Variants in FMN1 observed in about 807,000 individuals in gnomAD.
FMN1 encodes formin-1.
Under a neutral mutation model 132.4 loss-of-function variants are expected in FMN1, and 110 were observed. That is an observed-to-expected ratio of 0.83 (90% CI 0.71 to 0.97). FMN1 has a LOEUF of 0.97. Ranked by LOEUF, FMN1 falls within the 50% of genes least tolerant of loss-of-function variation. The pLI is 0.00. For missense variants in FMN1, 1,792 were observed against 1,705.3 expected (o/e 1.05, Z -0.90); for synonymous variants, 722 against 651.7 (o/e 1.11, Z -1.64).
chr15:33,081,671 T>C (rs1049853396), intron 5 of FMN1, among the ~76,000 whole-genome samples: 42 of 152,340 alleles, frequency 2.8e-4, no homozygotes, highest in Non-Finnish European at 4.0e-4. Flanking sequence ...AGTGGAGCGG[T>C]AGAAGGACTT....
intron 3 of FMN1, among the ~76,000 whole-genome samples, chr15:33,167,920 G>A (rs1267730256): frequency 6.6e-6 from 1 of 152,152 alleles, no homozygotes; most frequent in Non-Finnish European, 1.5e-5. Context: ...GACGACAGAG[G>A]CAGAAGAAGT....
At chr15:32,823,157 T>G (rs1163489662) in intron 17 of FMN1, among the ~76,000 whole-genome samples, 3 of 68,162 alleles carry the variant, frequency 4.4e-5, no homozygotes, top group African/African-American at 9.2e-5. Context: ...CTACTGTTTT[T>G]TTTTTTTTTT....
chr15:32,934,585 G>A lies in FMN1; in HGVS notation c.3139-8324C>T, dbSNP rs879274293. Among the ~76,000 whole-genome samples, 211 of 147,808 alleles carry A rather than the reference G, an allele frequency of 1.4e-3. 1 individual carries two copies. Among genetic ancestry groups the A allele is most frequent in the Non-Finnish European group, 2.4e-3 (158 of 67,032 alleles). On this transcript the variant is annotated intron_variant, in intron 9 of 20. Coordinates refer to ENST00000616417, the MANE Select transcript of FMN1 (RefSeq NM_001277313.2). ...ATCTATTTCTCTTTTGTTTCTGAAA[G>A]ACAATTTTTTTCCTTTTTTTTTTTT...
chr15:33,114,671 G>A (rs775534582), intron 4 of FMN1, among the ~76,000 whole-genome samples: 9 of 152,170 alleles, frequency 5.9e-5, no homozygotes, highest in Non-Finnish European at 8.8e-5. Context: ...GAGAGAGCCT[G>A]TGGGTAAATA....
chr15:32,947,347 C>T (rs1296608985), intron 9 of FMN1, among the ~76,000 whole-genome samples: 1 of 151,984 alleles, frequency 6.6e-6, no homozygotes, highest in African/African-American at 2.4e-5. Flanking sequence ...TGCTTCTGAG[C>T]TCTCAATTCT....
chr15:32,862,600 C>T (rs2059295729), intron 16 of FMN1, among the ~76,000 whole-genome samples: 1 of 152,042 alleles, frequency 6.6e-6, no homozygotes, highest in African/African-American at 2.4e-5. Flanking sequence ...TTGTTTTTCA[C>T]CCCTAAGAAC....
At position 33,067,028 on chromosome 15, in the gene FMN1, C is replaced by T. The variant is rs2037766512; in HGVS notation, c.2044-1954G>A. ...GGTCTCTCCTCCCTCAGCGGTAGCCCCCTTCTTCAGCACACGAAGCCCACT... is the reference window on the plus strand; with the variant it reads ...GGTCTCTCCTCCCTCAGCGGTAGCCTCCTTCTTCAGCACACGAAGCCCACT... On this transcript the variant is annotated intron_variant, in intron 5 of 20. Transcript: ENST00000616417. 3.7e-6 allele frequency: 6 copies of T among 1,613,886 alleles called. No homozygotes were observed. Among genetic ancestry groups the T allele is most frequent in the Non-Finnish European group, 5.1e-6 (6 of 1,179,900 alleles).
At chr15:32,844,737 T>G (rs1265474524) in intron 17 of FMN1, among the ~76,000 whole-genome samples, 2 of 152,266 alleles carry the variant, frequency 1.3e-5, no homozygotes, top group Non-Finnish European at 2.9e-5. Flanking sequence ...ATTTGCCACT[T>G]GAACTTGGAA....
At chr15:32,983,842 C>A (rs2032872542) in intron 7 of FMN1, among the ~76,000 whole-genome samples, 1 of 152,178 alleles carries the variant, frequency 6.6e-6, no homozygotes, top group Non-Finnish European at 1.5e-5. Flanking sequence ...TTAGAGGTTT[C>A]TCTGTCGAGG....
At chr15:33,093,029 A>G (rs1362354874) in intron 4 of FMN1, among the ~76,000 whole-genome samples, 4 of 152,230 alleles carry the variant, frequency 2.6e-5, no homozygotes, top group African/African-American at 9.6e-5. Flanking sequence ...AAATATACCA[A>G]TTTCCTAAAG....
At chr15:32,926,322 C>G in intron 9 of FMN1, 61 bp from the exon 10 acceptor site, 1 of 929,946 alleles carries the variant, frequency 1.1e-6, no homozygotes, top group Non-Finnish European at 1.6e-6. Flanking sequence ...TCTTTCAGGA[C>G]GCACACCAAA....
At chr15:33,113,822 A>T (rs1411438124) in intron 4 of FMN1, among the ~76,000 whole-genome samples, 1 of 152,198 alleles carries the variant, frequency 6.6e-6, no homozygotes, top group African/African-American at 2.4e-5. Context: ...GAGGCCCCTG[A>T]GGTACCAGCA....
intron 7 of FMN1, among the ~76,000 whole-genome samples, chr15:33,007,486 C>T (rs1432789802): frequency 6.6e-6 from 1 of 152,070 alleles, no homozygotes; most frequent in South Asian, 2.1e-4. Flanking sequence ...TCAGTCATTC[C>T]GGGCTTCACA....
At chr15:32,965,340 C>T (rs760518969) in intron 8 of FMN1, among the ~76,000 whole-genome samples, 6 of 151,938 alleles carry the variant, frequency 3.9e-5, no homozygotes, top group Admixed American at 6.6e-5. Context: ...GCAGAGGTTG[C>T]GATGAACTGA....
chr15:32,875,863 ATGGTATGGTAGCTTGGGCGCTGGCT>A (rs2059624733), intron 16 of FMN1, among the ~76,000 whole-genome samples: 1 of 152,170 alleles, frequency 6.6e-6, no homozygotes, highest in Non-Finnish European at 1.5e-5. Context: ...ATACAAGCTC[ATGGTATGGTAGCTTGGGCGCTGGCT>A]TGGCAGTCAA....
intron 17 of FMN1, among the ~76,000 whole-genome samples, chr15:32,809,775 T>C (rs186255292): frequency 6.6e-6 from 1 of 152,256 alleles, no homozygotes; most frequent in Admixed American, 6.5e-5. Context: ...CACAATTCCT[T>C]ATCACAGCAC....
chr15:33,026,410 T>TCACACACACACACACACA (rs71113496), intron 6 of FMN1, among the ~76,000 whole-genome samples: 11,702 of 139,878 alleles, frequency 0.084, 617 homozygotes, highest in Admixed American at 0.11. Context: ...GTCCAAATTT[T>TCACACACACACACACACA]CACACACACA....
At chr15:32,849,128 C>T (rs865970769) in intron 17 of FMN1, among the ~76,000 whole-genome samples, 3 of 149,330 alleles carry the variant, frequency 2.0e-5, no homozygotes, top group African/African-American at 4.9e-5. Flanking sequence ...GGACTACAGG[C>T]GCTTGTCACC....
intron 9 of FMN1, among the ~76,000 whole-genome samples, chr15:32,956,381 A>G (rs964627118): frequency 5.3e-5 from 8 of 152,004 alleles, no homozygotes; most frequent in African/African-American, 1.9e-4. Context: ...TTAAAAAAAT[A>G]AGCAAATAAA....
Sources: gnomAD v4.1 joint callset for allele counts (sites outside exome capture counted in the v4.1 genomes callset) on GRCh38, gnomAD v4.1.1 for gene constraint, MANE v1.5 for transcripts, NCBI Gene and HGNC (gene_info 2026-07-23, HGNC 2026-07-21) for gene names.